The following SLC44A5 variants were observed in gnomAD, a reference collection of about 807,000 sequenced individuals.
The protein encoded by SLC44A5 is choline transporter-like protein 5.
A neutral mutation model predicts 101.8 loss-of-function variants in SLC44A5; 57 were observed. The observed-to-expected ratio is 0.56, with a 90% CI of 0.45 to 0.70. SLC44A5 has a LOEUF of 0.70. Ranked by LOEUF, SLC44A5 falls within the 30% of genes least tolerant of loss-of-function variation. The probability of loss-of-function intolerance (pLI) is 0.00; values close to 1 mark genes in which losing one functional copy is unlikely to be tolerated. For missense variants in SLC44A5, 737 were observed against 853.1 expected (o/e 0.86, Z 1.70); for synonymous variants, 281 against 290.9 (o/e 0.97, Z 0.35).
chr1:75,526,053 A>G (rs553649016), intron 2 of SLC44A5, among the ~76,000 whole-genome samples: 1 of 152,340 alleles, frequency 6.6e-6, no homozygotes, highest in Non-Finnish European at 1.5e-5. Context: ...TAGTAGTCCC[A>G]GAGTTAACCT....
At chr1:75,329,758 AT>A (rs1656881424) in intron 4 of SLC44A5, among the ~76,000 whole-genome samples, 1 of 152,032 alleles carries the variant, frequency 6.6e-6, no homozygotes, top group Non-Finnish European at 1.5e-5. Context: ...CTTTTCAGCC[AT>A]ATGTTTTATT....
At chr1:75,339,523 C>T in intron 4 of SLC44A5, 59 bp downstream of exon 4, 9 of 1,380,656 alleles carry the variant, frequency 6.5e-6, no homozygotes, top group Non-Finnish European at 8.0e-6. Flanking sequence ...CCTCCCCCAT[C>T]CCCCAAAGCT....
chr1:75,434,623 ACACT>A (rs1482798511), intron 2 of SLC44A5, among the ~76,000 whole-genome samples: 3 of 152,098 alleles, frequency 2.0e-5, no homozygotes, highest in Non-Finnish European at 2.9e-5. Context: ...CCTTCATGTG[ACACT>A]CAGTCTGCTG....
chr1:75,233,916 A>G lies in SLC44A5; in HGVS notation c.853+70T>C, dbSNP rs143296294. On this transcript the variant is annotated intron_variant, in intron 12 of 23. Transcript: ENST00000370859. ...CACTGAAAACAAATGCTTTCTGGTA[A>G]CTGATAACAGCGATTGAAAATAAAA... 1.4e-4 allele frequency: 164 copies of G among 1,148,560 alleles called. 1 individual carries two copies. In the African/African-American group the frequency reaches 1.8e-3, roughly 13 times the overall value. The allele number at this position is 1,148,560 out of a possible 1,614,324, so 71.1% of individuals were successfully genotyped here.
At chr1:75,223,063 A>T (rs1021837301) in intron 13 of SLC44A5, among the ~76,000 whole-genome samples, 1 of 152,202 alleles carries the variant, frequency 6.6e-6, no homozygotes, top group East Asian at 1.9e-4. Flanking sequence ...TGAAATTTAT[A>T]AATCTTGAAT....
At chr1:75,616,179 G>A in the SLC44A5 span, among the ~76,000 whole-genome samples, 2 of 151,536 alleles carry the variant, frequency 1.3e-5, no homozygotes, top group African/African-American at 4.8e-5. Context: ...TGCTGGAGGG[G>A]GCAGCGCTGG....
chr1:75,647,148 G>A, the SLC44A5 span, among the ~76,000 whole-genome samples: 1 of 152,168 alleles, frequency 6.6e-6, no homozygotes, highest in Non-Finnish European at 1.5e-5. Flanking sequence ...GTGCAGGCTT[G>A]GGACTTGGTG....
At chr1:75,545,995 T>C (rs1671632390) in intron 1 of SLC44A5, among the ~76,000 whole-genome samples, 1 of 151,570 alleles carries the variant, frequency 6.6e-6, no homozygotes, top group Admixed American at 6.6e-5. Flanking sequence ...ACCAAGCTAA[T>C]TTTTTTTGCC....
At chr1:75,514,104 G>A (rs10465736) in intron 2 of SLC44A5, among the ~76,000 whole-genome samples, 21,614 of 152,060 alleles carry the variant, frequency 0.14, 1,702 homozygotes, top group African/African-American at 0.19. Context: ...TTCATCCTCC[G>A]AAAGCACTGG....
chr1:75,399,987 G>A (rs904748254), intron 2 of SLC44A5, among the ~76,000 whole-genome samples: 1 of 152,148 alleles, frequency 6.6e-6, no homozygotes. Context: ...CACAACCATG[G>A]AATACTAAGC....
chr1:75,444,473 GAGAA>G (rs1194232728), intron 2 of SLC44A5, among the ~76,000 whole-genome samples: 15 of 95,404 alleles, frequency 1.6e-4, no homozygotes, highest in African/African-American at 4.8e-4. Context: ...AAAAAAGAAA[GAGAA>G]AGAAAGAAGA....
intron 1 of SLC44A5, among the ~76,000 whole-genome samples, chr1:75,561,520 T>C (rs1229506023): frequency 6.6e-6 from 1 of 152,160 alleles, no homozygotes; most frequent in African/African-American, 2.4e-5. Context: ...CATTCAATAC[T>C]GTAGGTCCTC....
intron 2 of SLC44A5, among the ~76,000 whole-genome samples, chr1:75,419,307 C>A (rs1341301922): frequency 6.6e-6 from 1 of 151,254 alleles, no homozygotes; most frequent in African/African-American, 2.4e-5. Flanking sequence ...CACCAAGGAA[C>A]AATATAATCA....
rs115426408 is a variant in SLC44A5, at chr1:75,245,803, T to C, written c.346-2792A>G. Among the ~76,000 whole-genome samples the C allele has an allele frequency of 3.1e-3, 470 of 152,270 alleles. 4 individuals are homozygous for C. The highest frequency in any genetic ancestry group is 0.01 in the African/African-American group (432 of 41,576). On this transcript the variant is annotated intron_variant, in intron 7 of 23. Transcript: ENST00000370859. Reference sequence around the variant, plus strand: ...AAAAAACAATACAACTGCACTTTACTTTCTCCCTCTATCAGACCAATTTGT... The same window carrying C: ...AAAAAACAATACAACTGCACTTTACCTTCTCCCTCTATCAGACCAATTTGT...
At chr1:75,562,499 G>T (rs2102011801) in intron 1 of SLC44A5, among the ~76,000 whole-genome samples, 1 of 152,008 alleles carries the variant, frequency 6.6e-6, no homozygotes, top group African/African-American at 2.4e-5. Flanking sequence ...GGAGTTCAAG[G>T]CCAGCCTGGG....
intron 3 of SLC44A5, among the ~76,000 whole-genome samples, chr1:75,353,488 C>T (rs769828185): frequency 1.2e-4 from 19 of 152,204 alleles, no homozygotes; most frequent in Non-Finnish European, 2.5e-4. Flanking sequence ...TGCCCCACCA[C>T]TCAGAACAGT....
chr1:75,302,793 A>T (rs943628317), intron 4 of SLC44A5, among the ~76,000 whole-genome samples: 2 of 152,248 alleles, frequency 1.3e-5, no homozygotes, highest in East Asian at 3.9e-4. Context: ...GACAAGCAAG[A>T]TGGCTAGCAA....
At position 75,262,187 on chromosome 1, in the gene SLC44A5, A is replaced by T. The variant is rs186942445; in HGVS notation, c.261-10893T>A. On this transcript the variant is annotated intron_variant, in intron 6 of 23. Transcript: ENST00000370859. ...TGGGTATTCAAGTATGAAAAGAGGA[A>T]GTCAAATTGTCTCTGTTTGCAGATG... is the stretch of plus-strand genomic sequence containing the variant. Among the ~76,000 whole-genome samples, 513 of 152,370 alleles carry T rather than the reference A, an allele frequency of 3.4e-3. 3 individuals carry two copies. The highest frequency in any genetic ancestry group is 0.012 in the African/African-American group (489 of 41,580).
At chr1:75,458,895 G>A (rs899695156) in intron 2 of SLC44A5, among the ~76,000 whole-genome samples, 1 of 152,112 alleles carries the variant, frequency 6.6e-6, no homozygotes, top group East Asian at 1.9e-4. Context: ...AAATGAGTTT[G>A]TTTTTGAATA....
Sources: allele counts gnomAD v4.1 joint callset (sites outside exome capture counted in the v4.1 genomes callset), GRCh38; gene constraint gnomAD v4.1.1; transcripts MANE v1.5; gene names NCBI Gene and HGNC (gene_info 2026-07-23, HGNC 2026-07-21).